The following DOCK8 variants were observed in gnomAD, a reference collection of about 807,000 sequenced individuals.
DOCK8 encodes dedicator of cytokinesis 8, also known as dedicator of cytokinesis protein 8.
DOCK8 carries 141 observed loss-of-function variants against 245.6 expected under a neutral mutation model. The ratio of observed to expected loss-of-function variants is 0.57; its 90% confidence interval spans 0.50 to 0.66. DOCK8 has a LOEUF of 0.66. Among genes scored for constraint, DOCK8 ranks in the 30% least tolerant of loss-of-function variants. The pLI is 0.00. For missense variants in DOCK8, 2,965 were observed against 2,603.4 expected, an observed-to-expected ratio of 1.14 and a Z score of -3.02; for synonymous variants, 1,168 against 970.2, an observed-to-expected ratio of 1.20 and a Z score of -3.79.
chr9:346,735 G>A (rs1376307171), intron 14 of DOCK8, among the ~76,000 whole-genome samples: 1 of 152,110 alleles, frequency 6.6e-6, no homozygotes, highest in African/African-American at 2.4e-5. Flanking sequence ...CTCCCATATC[G>A]CAGTGGAGTC....
At chr9:443,811 G>C (rs975932642) in intron 43 of DOCK8, among the ~76,000 whole-genome samples, 2 of 152,112 alleles carry the variant, frequency 1.3e-5, no homozygotes, top group African/African-American at 2.4e-5. Flanking sequence ...AGTAGATTTT[G>C]TCATTCCTAT....
At chr9:333,462 A>G (rs55858849) in intron 10 of DOCK8, among the ~76,000 whole-genome samples, 3,567 of 152,132 alleles carry the variant, frequency 0.023, 58 homozygotes, top group African/African-American at 0.041. Flanking sequence ...TTAGCCGGGC[A>G]TGGTGGCACG....
Position 377,025 on chromosome 9 carries a change from C to G in DOCK8, c.2254C>G (p.Gln752Glu), listed in dbSNP as rs2131262339. ...CACCCTCTGCCACTCCCTGGAGAGCCAGGTGACCTTCCCCATCCGCGTGCT... is the reference window on the plus strand; with the variant it reads ...CACCCTCTGCCACTCCCTGGAGAGCGAGGTGACCTTCCCCATCCGCGTGCT... ...FFTLCHSLES[Q>E]VTFPIRVLDQ... Residue 752 changes from glutamine (Q) to glutamate (E), a missense_variant, in exon 20 of 48, where the codon CAG becomes GAG. By Grantham distance (29) the Gln-to-Glu change is conservative (BLOSUM62 2). Transcript: ENST00000432829. The G allele has an allele frequency of 6.2e-7, 1 of 1,614,078 alleles. No individual in the cohort carries two copies.
In DOCK8 at chr9:368,150, G is replaced by A. The variant is rs566122718; in HGVS notation, c.1797+15G>A. 28 of 1,606,704 alleles carry A rather than the reference G, an allele frequency of 1.7e-5. No individual in the cohort carries two copies. The East Asian group carries it at 3.6e-4, about 20-fold the overall frequency. On this transcript the variant is annotated intron_variant, in intron 15 of 47. Coordinates refer to ENST00000432829, the MANE Select transcript of DOCK8 (RefSeq NM_203447.4). ...ATGCGATGCCGGTAAGGAGGGAAAC[G>A]AACATTTGCCTCAAATCAGGGTGGG...
At chr9:385,668 C>G (rs1187843888) in intron 22 of DOCK8, among the ~76,000 whole-genome samples, 1 of 152,152 alleles carries the variant, frequency 6.6e-6, no homozygotes, top group Non-Finnish European at 1.5e-5. Flanking sequence ...CAAATTACCC[C>G]TACCCCCCTG....
chr9:221,871 G>T (rs2046890555), intron 1 of DOCK8, among the ~76,000 whole-genome samples: 1 of 151,496 alleles, frequency 6.6e-6, no homozygotes, highest in African/African-American at 2.4e-5. Flanking sequence ...TCAATACAGA[G>T]CTGCATTATA....
intron 4 of DOCK8, among the ~76,000 whole-genome samples, chr9:292,387 C>CAAA (rs5895837): frequency 0.77 from 48,344 of 63,046 alleles, 21,380 homozygotes; most frequent in South Asian, 0.85. Flanking sequence ...AACTCCGTCT[C>CAAA]AAAAAAAAAA....
At chr9:332,818 T>C (rs1455100484) in intron 10 of DOCK8, among the ~76,000 whole-genome samples, 1 of 151,848 alleles carries the variant, frequency 6.6e-6, no homozygotes, top group Non-Finnish European at 1.5e-5. Context: ...CCACCATGCT[T>C]GGCTAGTTTT....
chr9:407,847 C>T (rs373534901), intron 28 of DOCK8, among the ~76,000 whole-genome samples: 10 of 152,174 alleles, frequency 6.6e-5, no homozygotes, highest in African/African-American at 1.7e-4. Flanking sequence ...AGACAAAATT[C>T]GCTGCCCCTC....
chr9:286,671 A>G (rs776469339), intron 3 of DOCK8, 35 bp downstream of exon 3: 1 of 1,603,910 alleles, frequency 6.2e-7, no homozygotes, highest in Non-Finnish European at 8.5e-7. Context: ...TGTGATTGGG[A>G]TTGTCATGAT....
At chr9:314,035 A>G (rs2130719561) in intron 6 of DOCK8, among the ~76,000 whole-genome samples, 1 of 152,320 alleles carries the variant, frequency 6.6e-6, no homozygotes, top group South Asian at 2.1e-4. Flanking sequence ...AGCTTTTTCA[A>G]GATTCAACAG....
chr9:374,453 G>GTTTTTTTTTTTTT (rs762085208), intron 18 of DOCK8, among the ~76,000 whole-genome samples: 3 of 75,348 alleles, frequency 4.0e-5, no homozygotes, highest in Admixed American at 2.1e-4. Flanking sequence ...GTCCTTTTGT[G>GTTTTTTTTTTTTT]TTTTTTTTTT....
intron 14 of DOCK8, among the ~76,000 whole-genome samples, chr9:352,327 C>G (rs2052209713): frequency 6.6e-6 from 1 of 152,086 alleles, no homozygotes; most frequent in Non-Finnish European, 1.5e-5. Flanking sequence ...TGGGGTGGAA[C>G]AAAAGAGCCC....
chr9:270,178 A>G (rs985255674), intron 1 of DOCK8, among the ~76,000 whole-genome samples: 1 of 152,226 alleles, frequency 6.6e-6, no homozygotes, highest in African/African-American at 2.4e-5. Flanking sequence ...ACTTTTAAAA[A>G]ATTAAATAAA....
intron 14 of DOCK8, among the ~76,000 whole-genome samples, chr9:352,088 A>G (rs1042498076): frequency 3.3e-5 from 5 of 152,170 alleles, no homozygotes; most frequent in African/African-American, 9.7e-5. Flanking sequence ...GTTGCTAAAC[A>G]TCAACCCCAC....
chr9:305,436 C>A (rs1346496818), intron 5 of DOCK8, among the ~76,000 whole-genome samples: 1 of 151,734 alleles, frequency 6.6e-6, no homozygotes. Flanking sequence ...GCTCCCGCCA[C>A]CACGCCCAGC....
Position 443,529 on chromosome 9 carries a change from T to A in DOCK8, c.5580+13T>A. On this transcript the variant is annotated intron_variant, in intron 43 of 47. Coordinates refer to ENST00000432829, the MANE Select transcript of DOCK8 (RefSeq NM_203447.4). ...GGATCCTAACAAGGTATACAAAAAT[T>A]TACAAAAACTAACCATCAAGCTCTA... The A allele has an allele frequency of 1.2e-6, 2 of 1,603,118 alleles. No individual in the cohort carries two copies. Among genetic ancestry groups the A allele is most frequent in the Non-Finnish European group, 1.7e-6 (2 of 1,170,332 alleles).
At position 405,013 on chromosome 9, in the gene DOCK8, C is replaced by T. The variant is rs753804354; in HGVS notation, c.3330C>T (p.Asn1110=). The change falls in exon 27 of 48, where the codon AAC becomes AAT. Residue 1110 remains asparagine, a synonymous_variant. Transcript: ENST00000432829. ...GCCATGAGCATTACCTCAATCTGAACCTTTTTTTTATGAATGCTGATACTG... is the reference window on the plus strand; with the variant it reads ...GCCATGAGCATTACCTCAATCTGAATCTTTTTTTTATGAATGCTGATACTG... ...LCSHEHYLNL[N]LFFMNADTAP... is the part of the protein sequence containing the mutation. 1.1e-5 allele frequency: 18 copies of T among 1,613,994 alleles called. No homozygotes were observed. Among genetic ancestry groups the T allele is most frequent in the Non-Finnish European group, 1.5e-5 (18 of 1,179,940 alleles).
intron 25 of DOCK8, among the ~76,000 whole-genome samples, chr9:398,673 A>G (rs12346176): frequency 0.33 from 50,070 of 152,004 alleles, 8,821 homozygotes; most frequent in African/African-American, 0.44. Context: ...TGCCTAATTG[A>G]GGAATAAATT....
Sources: gnomAD v4.1 joint callset for allele counts (sites outside exome capture counted in the v4.1 genomes callset) on GRCh38, gnomAD v4.1.1 for gene constraint, MANE v1.5 for transcripts, NCBI Gene and HGNC (gene_info 2026-07-23, HGNC 2026-07-21) for gene names.